The following MYT1L variants were observed in gnomAD, a reference collection of about 807,000 sequenced individuals.
MYT1L encodes the protein myelin transcription factor 1-like protein.
Under a neutral mutation model 126.7 loss-of-function variants are expected in MYT1L, and 12 were observed. The ratio of observed to expected loss-of-function variants is 0.09; its 90% CI spans 0.06 to 0.15. The LOEUF is 0.15. MYT1L is among the 10% of genes least tolerant of loss of function. MYT1L has a pLI of 1.00. For synonymous variants in MYT1L, 541 were observed against 604.2 expected (o/e 0.90, Z 1.53); for missense variants, 979 against 1,585.2 (o/e 0.62, Z 6.49).
chr2:1,798,760 G>C (rs2034291631), intron 23 of MYT1L, among the ~76,000 whole-genome samples: 1 of 152,236 alleles, frequency 6.6e-6, no homozygotes, highest in Non-Finnish European at 1.5e-5. Flanking sequence ...CATGAAGGCT[G>C]CTGCAGGAAG....
chr2:1,966,459 G>A (rs921174006), intron 8 of MYT1L, among the ~76,000 whole-genome samples: 6 of 152,180 alleles, frequency 3.9e-5, no homozygotes, highest in Non-Finnish European at 8.8e-5. Context: ...TGATGTGGGT[G>A]TAAACAGGTC....
rs1331202932 is a variant in MYT1L at position 1,789,498 on chromosome 2, A to C, written c.*2369T>G. 1 of 152,260 alleles carries C rather than the reference A, an allele frequency of 6.6e-6. No individual in the cohort carries two copies. The highest frequency in any genetic ancestry group is 2.1e-4 in the South Asian group (1 of 4,834). The allele number at this position is 152,260 out of a possible 1,614,324, so 9.4% of individuals were successfully genotyped here. ...TGTGATCCCTATATAATAGTCACAG[A>C]TAACTTTTGATTTGAGATTATGTAC... is the stretch of plus-strand genomic sequence containing the variant. On this transcript the variant is annotated 3_prime_UTR_variant, in exon 25 of 25. Transcript: ENST00000647738.
intron 2 of MYT1L, among the ~76,000 whole-genome samples, chr2:2,237,817 G>A (rs1476117062): frequency 6.6e-6 from 1 of 152,162 alleles, no homozygotes; most frequent in Non-Finnish European, 1.5e-5. Context: ...TCTGCACCTG[G>A]GTTCTGCCTC....
At chr2:2,174,633 C>T (rs2090499875) in intron 2 of MYT1L, among the ~76,000 whole-genome samples, 1 of 150,650 alleles carries the variant, frequency 6.6e-6, no homozygotes, top group South Asian at 2.1e-4. Context: ...GTGAGGTGGC[C>T]TCTTTTATTT....
chr2:1,838,309 G>A (rs781600820), intron 21 of MYT1L, among the ~76,000 whole-genome samples: 5 of 152,134 alleles, frequency 3.3e-5, no homozygotes, highest in Non-Finnish European at 7.3e-5. Flanking sequence ...ACATTTAAGG[G>A]TCAGAGTCAC....
intron 9 of MYT1L, among the ~76,000 whole-genome samples, chr2:1,936,194 A>G (rs942035604): frequency 6.6e-6 from 1 of 152,202 alleles, no homozygotes; most frequent in African/African-American, 2.4e-5. Context: ...AAGTGCTGGG[A>G]TTACAGGCGT....
At chr2:2,236,402 C>CATCCCAACCTAAT (rs2094306036) in intron 2 of MYT1L, among the ~76,000 whole-genome samples, 1 of 127,992 alleles carries the variant, frequency 7.8e-6, no homozygotes, top group Non-Finnish European at 1.6e-5. Context: ...CCCAACCTAA[C>CATCCCAACCTAAT]CCAGTACATC....
intron 4 of MYT1L, among the ~76,000 whole-genome samples, chr2:2,048,766 G>T (rs2068477593): frequency 6.6e-6 from 1 of 152,084 alleles, no homozygotes; most frequent in Non-Finnish European, 1.5e-5. Context: ...CTTCCATCAG[G>T]GTGTCGCCTG....
intron 21 of MYT1L, chr2:1,826,247 ACCGGCACGGTG>A (rs1288993634): frequency 1.3e-5 from 2 of 152,294 alleles, no homozygotes; most frequent in African/African-American, 4.8e-5. Flanking sequence ...AAACTAGAAG[ACCGGCACGGTG>A]CTCGGGCATG....
At chr2:1,953,210 G>A (rs538419541) in intron 8 of MYT1L, among the ~76,000 whole-genome samples, 1 of 152,222 alleles carries the variant, frequency 6.6e-6, no homozygotes, top group South Asian at 2.1e-4. Context: ...TGATCCATCT[G>A]CCTTGGCCTC....
chr2:1,857,673 A>G (rs183456184), intron 18 of MYT1L, among the ~76,000 whole-genome samples: 2 of 152,246 alleles, frequency 1.3e-5, no homozygotes, highest in Admixed American at 1.3e-4. Context: ...ATCAGGCCTT[A>G]CCTATAGGAG....
At chr2:2,000,123 A>C (rs1455310417) in intron 4 of MYT1L, among the ~76,000 whole-genome samples, 1 of 152,196 alleles carries the variant, frequency 6.6e-6, no homozygotes, top group Non-Finnish European at 1.5e-5. Flanking sequence ...TACTGCACAA[A>C]ACCTACAGCT....
In MYT1L at chr2:2,026,148, G is replaced by C. The variant is rs74898021; in HGVS notation, c.-158+27830C>G. 7.8e-4 allele frequency among the ~76,000 whole-genome samples: 119 copies of C among 152,324 alleles called. No individual in the cohort carries two copies. In the East Asian group the frequency reaches 0.02, roughly 26 times the overall value. On this transcript the variant is annotated intron_variant, in intron 4 of 24. Coordinates refer to ENST00000647738, the MANE Select transcript of MYT1L (RefSeq NM_001303052.2). Reference sequence around the variant, plus strand: ...ACAATTATAATAAAACTGTGGCCTAGGTGTTACTGTCCCCATTAAACACAC... The same window carrying C: ...ACAATTATAATAAAACTGTGGCCTACGTGTTACTGTCCCCATTAAACACAC...
chr2:1,925,739 CG>C (rs1177385418), intron 9 of MYT1L, among the ~76,000 whole-genome samples: 5 of 152,138 alleles, frequency 3.3e-5, no homozygotes, highest in Non-Finnish European at 5.9e-5. Flanking sequence ...ACTGAGGGCA[CG>C]GTTCGTCCTC....
At chr2:2,058,914 C>A (rs1391617588) in intron 3 of MYT1L, among the ~76,000 whole-genome samples, 1 of 152,032 alleles carries the variant, frequency 6.6e-6, no homozygotes, top group Admixed American at 6.5e-5. Flanking sequence ...TATTTAGAAG[C>A]GATTGAGGAT....
At chr2:2,279,589 G>A (rs946529035) in intron 2 of MYT1L, among the ~76,000 whole-genome samples, 26 of 151,178 alleles carry the variant, frequency 1.7e-4, no homozygotes, top group African/African-American at 6.3e-4. Flanking sequence ...AGGAAGGAAG[G>A]AAGGAAGGAA....
At chr2:1,829,835 A>C in intron 21 of MYT1L, among the ~76,000 whole-genome samples, 1 of 151,738 alleles carries the variant, frequency 6.6e-6, no homozygotes, top group African/African-American at 2.4e-5. Context: ...TGACCCTCCC[A>C]TACACCTGTG....
rs563940990 is a variant in MYT1L, at chr2:2,095,561, C to CG, written c.-303-41439dup. ...TCCTGCGAGCCCCCACCTGTGGCCG[C>CG]GGGGGGTCACTACACCAAGGAATTC... On this transcript the variant is annotated intron_variant, in intron 3 of 24. Coordinates refer to ENST00000647738, the MANE Select transcript of MYT1L (RefSeq NM_001303052.2). Among the ~76,000 whole-genome samples the CG allele has an allele frequency of 1.2e-4, 18 of 151,848 alleles. No individual in the cohort carries two copies. The East Asian group carries it at 1.8e-3, about 15-fold the overall frequency.
intron 2 of MYT1L, among the ~76,000 whole-genome samples, chr2:2,256,149 C>T (rs890249137): frequency 5.9e-5 from 9 of 152,196 alleles, no homozygotes; most frequent in East Asian, 1.9e-4. Flanking sequence ...ACAGAGGCTC[C>T]GGGCTGTAGA....
Sources: allele counts gnomAD v4.1 joint callset (sites outside exome capture counted in the v4.1 genomes callset), GRCh38; gene constraint gnomAD v4.1.1; transcripts MANE v1.5; gene names NCBI Gene and HGNC (gene_info 2026-07-23, HGNC 2026-07-21).